Variants in SNW1 observed in about 807,000 individuals in gnomAD.
The protein encoded by SNW1 is SNW domain-containing protein 1.
A neutral mutation model predicts 75.6 loss-of-function variants in SNW1; 9 were observed. The observed-to-expected ratio is 0.12, with a 90% CI of 0.07 to 0.21. SNW1 has a LOEUF of 0.21. SNW1 is among the 10% of genes least tolerant of loss of function. SNW1 has a pLI of 1.00. For missense variants in SNW1, 409 were observed against 670.9 expected, an observed-to-expected ratio of 0.61 and a Z score of 4.31; for synonymous variants, 200 against 219.1, an observed-to-expected ratio of 0.91 and a Z score of 0.77.
intron 1 of SNW1, chr14:77,760,744 G>A: frequency 1.4e-6 from 1 of 702,668 alleles, no homozygotes; most frequent in South Asian, 1.5e-5. Context: ...CAGCCCGCGC[G>A]CTTCACTCCG....
intron 9 of SNW1, among the ~76,000 whole-genome samples, chr14:77,732,006 GATT>G (rs2080631230): frequency 6.6e-6 from 1 of 152,134 alleles, no homozygotes; most frequent in African/African-American, 2.4e-5. Context: ...AAAATGCTGG[GATT>G]ATACACATGA....
intron 2 of SNW1, among the ~76,000 whole-genome samples, chr14:77,751,979 A>G (rs1417630645): frequency 2.6e-5 from 4 of 152,326 alleles, no homozygotes; most frequent in Non-Finnish European, 5.9e-5. Context: ...AGGACAGCAG[A>G]GCTTGAGGCA....
chr14:77,752,100 G>A (rs2080813783), intron 2 of SNW1, among the ~76,000 whole-genome samples: 1 of 152,062 alleles, frequency 6.6e-6, no homozygotes, highest in Non-Finnish European at 1.5e-5. Flanking sequence ...CTAGGACAAG[G>A]CAAAATATAT....
rs781683275 is a variant in SNW1, at chr14:77,718,147, A to G, written c.1552T>C (p.Ser518Pro). The change falls in exon 14 of 14, where the codon TCA (serine) becomes CCA (proline). Residue 518 changes from serine (S) to proline (P), a missense_variant. By Grantham distance (74) the Ser-to-Pro change is moderately conservative. Coordinates refer to ENST00000261531, the MANE Select transcript of SNW1 (RefSeq NM_012245.3). ...AKQHGGSKRP[S>P]DSSRPKEHEH... ...TGTTCCTTGGGGCGGCTGCTATCTG[A>G]GGGTCTTTTAGAGCCACCATGCTGT... is the stretch of plus-strand genomic sequence containing the variant. 14 of 1,612,248 alleles carry G rather than the reference A, an allele frequency of 8.7e-6. No homozygotes were observed. The highest frequency in any genetic ancestry group is 1.7e-4 in the Middle Eastern group (1 of 6,038).
intron 2 of SNW1, among the ~76,000 whole-genome samples, chr14:77,752,065 T>C (rs76375290): frequency 0.078 from 11,806 of 152,200 alleles, 514 homozygotes; most frequent in Middle Eastern, 0.1. Flanking sequence ...ATTTCATATA[T>C]GCAGGACGAA....
chr14:77,719,325 A>G (rs919004834), intron 12 of SNW1, among the ~76,000 whole-genome samples: 1 of 150,584 alleles, frequency 6.6e-6, no homozygotes, highest in African/African-American at 2.4e-5. Context: ...GTAAGTTGCC[A>G]TTGTATAGTG....
At chr14:77,739,208 A>G in intron 3 of SNW1, 147 bp from the exon 4 acceptor site, 1 of 652,312 alleles carries the variant, frequency 1.5e-6, no homozygotes, top group African/African-American at 1.8e-5. Flanking sequence ...AAACCAAGGA[A>G]GCTTAAAATA....
At chr14:77,734,920 TAG>T (rs761647761) in intron 8 of SNW1, 25 bp downstream of exon 8, 3 of 1,508,814 alleles carry the variant, frequency 2.0e-6, no homozygotes, top group Non-Finnish European at 2.8e-6. Context: ...GTTATACTAA[TAG>T]AGACTGATTT....
At chr14:77,737,281 G>C (rs2080680478) in intron 5 of SNW1, among the ~76,000 whole-genome samples, 1 of 152,158 alleles carries the variant, frequency 6.6e-6, no homozygotes, top group Non-Finnish European at 1.5e-5. Context: ...ATAAACTTGA[G>C]TGGTATTAGT....
intron 1 of SNW1, chr14:77,760,895 T>C: frequency 9.8e-7 from 1 of 1,020,078 alleles, no homozygotes; most frequent in Non-Finnish European, 1.5e-6. Flanking sequence ...GCTTTCGGCC[T>C]CGGTGAGCGG....
chr14:77,719,119 G>A (rs962022076), intron 12 of SNW1, among the ~76,000 whole-genome samples: 1 of 152,026 alleles, frequency 6.6e-6, no homozygotes, highest in Admixed American at 6.6e-5. Flanking sequence ...GCCCAGGCCG[G>A]TCTTAAACTG....
chr14:77,741,244 T>G (rs1019088720), intron 3 of SNW1, among the ~76,000 whole-genome samples: 25 of 152,144 alleles, frequency 1.6e-4, no homozygotes, highest in Non-Finnish European at 8.8e-5. Context: ...CCATGAACAG[T>G]GACTCACGCC....
intron 1 of SNW1, among the ~76,000 whole-genome samples, chr14:77,755,382 T>A (rs1408912117): frequency 6.6e-6 from 1 of 151,980 alleles, no homozygotes; most frequent in Non-Finnish European, 1.5e-5. Context: ...AACAGATATT[T>A]CACATAACAG....
At chr14:77,742,601 C>T (rs921466085) in intron 3 of SNW1, among the ~76,000 whole-genome samples, 12 of 152,120 alleles carry the variant, frequency 7.9e-5, no homozygotes, top group African/African-American at 2.9e-4. Context: ...AAACGCTAAT[C>T]TAGCTTAGCT....
chr14:77,747,421 T>G (rs2080769671), intron 3 of SNW1, among the ~76,000 whole-genome samples: 1 of 149,034 alleles, frequency 6.7e-6, no homozygotes, highest in African/African-American at 2.5e-5. Flanking sequence ...CCGCCCAGTC[T>G]GGGAAGTGAG....
At chr14:77,739,878 TA>T (rs1324946891) in intron 3 of SNW1, among the ~76,000 whole-genome samples, 2 of 152,060 alleles carry the variant, frequency 1.3e-5, no homozygotes, top group Non-Finnish European at 2.9e-5. Context: ...CTCACGCCTG[TA>T]ATCCCAGCAC....
At position 77,743,910 on chromosome 14, in the gene SNW1, T is replaced by A. The variant is rs75028202; in HGVS notation, c.331-4849A>T. On this transcript the variant is annotated intron_variant, in intron 3 of 13. Transcript: ENST00000261531. Reference sequence around the variant, plus strand: ...TGAATTACTCAATGCATTCCAAACTTCATGCATGAATCTATCCACTTCTAG... The same window carrying A: ...TGAATTACTCAATGCATTCCAAACTACATGCATGAATCTATCCACTTCTAG... Among the ~76,000 whole-genome samples, 1,158 of 152,262 alleles carry A rather than the reference T, an allele frequency of 7.6e-3. 13 individuals carry two copies. Among genetic ancestry groups the A allele is most frequent in the African/African-American group, 0.027 (1,112 of 41,562 alleles).
intron 10 of SNW1, among the ~76,000 whole-genome samples, chr14:77,726,006 G>A (rs1307823374): frequency 6.6e-6 from 1 of 152,148 alleles, no homozygotes; most frequent in African/African-American, 2.4e-5. Flanking sequence ...CTGTTTTTAT[G>A]GCAGTACCAT....
chr14:77,754,196 C>A (rs1318590591), intron 2 of SNW1, among the ~76,000 whole-genome samples: 1 of 151,688 alleles, frequency 6.6e-6, no homozygotes, highest in African/African-American at 2.4e-5. Flanking sequence ...AGGCATGCGC[C>A]ACCACACCTG....
Sources: gnomAD v4.1 joint callset for allele counts (sites outside exome capture counted in the v4.1 genomes callset) on GRCh38, gnomAD v4.1.1 for gene constraint, MANE v1.5 for transcripts, NCBI Gene and HGNC (gene_info 2026-07-23, HGNC 2026-07-21) for gene names.